SDK1: variants seen among roughly 807,000 people sequenced by gnomAD.
SDK1 encodes the protein sidekick cell adhesion molecule 1.
Under a neutral mutation model 245.5 loss-of-function variants are expected in SDK1, and 157 were observed. The observed-to-expected ratio is 0.64, with a 90% CI of 0.56 to 0.73. The LOEUF is 0.73. Ranked by LOEUF, SDK1 falls within the 30% of genes least tolerant of loss-of-function variation. The probability of loss-of-function intolerance (pLI) is 0.00; values close to 1 mark genes in which losing one functional copy is unlikely to be tolerated. For synonymous variants in SDK1, 1,647 were observed against 1,278.5 expected (o/e 1.29, Z -6.15); for missense variants, 3,583 against 3,002.3 (o/e 1.19, Z -4.52).
At chr7:3,546,654 AG>A (rs1459332198) in intron 1 of SDK1, among the ~76,000 whole-genome samples, 2 of 142,380 alleles carry the variant, frequency 1.4e-5, no homozygotes, top group South Asian at 2.3e-4. Context: ...TGGGCTGCCC[AG>A]GGGGGACGTC....
chr7:3,757,777 C>A (rs916466795), intron 4 of SDK1, among the ~76,000 whole-genome samples: 1 of 152,112 alleles, frequency 6.6e-6, no homozygotes, highest in Non-Finnish European at 1.5e-5. Context: ...CTGATTAAAT[C>A]GTTGGTCCTA....
At chr7:4,228,731 G>A (rs924811756) in intron 40 of SDK1, among the ~76,000 whole-genome samples, 1 of 152,112 alleles carries the variant, frequency 6.6e-6, no homozygotes, top group African/African-American at 2.4e-5. Flanking sequence ...GTAGAGACGG[G>A]GTTTCACCAT....
chr7:3,577,593 G>A (rs1025753973), intron 1 of SDK1, among the ~76,000 whole-genome samples: 1 of 152,000 alleles, frequency 6.6e-6, no homozygotes, highest in Non-Finnish European at 1.5e-5. Context: ...TAATCCTCAT[G>A]GAACTCACTT....
chr7:3,613,085 G>C (rs1052796951), intron 1 of SDK1, among the ~76,000 whole-genome samples: 2 of 152,222 alleles, frequency 1.3e-5, no homozygotes, highest in Non-Finnish European at 2.9e-5. Context: ...AGTTCAACTT[G>C]CTTGATACCT....
chr7:3,315,503 C>G (rs186116602), intron 1 of SDK1, among the ~76,000 whole-genome samples: 56 of 152,046 alleles, frequency 3.7e-4, no homozygotes, highest in Admixed American at 2.4e-3. Context: ...GACATAGGGT[C>G]ACGCATGCAC....
rs564957147 is a variant in SDK1 at position 4,025,735 on chromosome 7, T to TG, written c.2602+8384dup. ...TTGAAAACACAGGGCTTATTGTTCCTGTTTCAACACCCAGTGCTGCACCAC... is the reference window on the plus strand; with the variant it reads ...TTGAAAACACAGGGCTTATTGTTCCTGGTTTCAACACCCAGTGCTGCACCAC... On this transcript the variant is annotated intron_variant, in intron 17 of 44. Transcript: ENST00000404826. 3.8e-3 allele frequency among the ~76,000 whole-genome samples: 577 copies of TG among 152,354 alleles called. 6 individuals carry two copies. In the South Asian group the frequency reaches 0.042, roughly 11 times the overall value.
chr7:3,962,270 T>C (rs1484846332), intron 8 of SDK1, among the ~76,000 whole-genome samples: 1 of 152,232 alleles, frequency 6.6e-6, no homozygotes, highest in Non-Finnish European at 1.5e-5. Flanking sequence ...TCTGCCCCTA[T>C]GACCCTGTGC....
intron 4 of SDK1, among the ~76,000 whole-genome samples, chr7:3,690,924 T>C (rs918574969): frequency 1.3e-5 from 2 of 152,206 alleles, no homozygotes; most frequent in Admixed American, 6.5e-5. Context: ...TGGATGTCTA[T>C]AGGCATTCAC....
rs117146122 is a variant in SDK1, at chr7:4,091,803, C to T, written c.3324+12219C>T. 3.3e-4 allele frequency among the ~76,000 whole-genome samples: 50 copies of T among 152,282 alleles called. 1 individual carries two copies. The East Asian group carries it at 8.5e-3, about 26-fold the overall frequency. ...AACCCTCTACATCACCAGCCAACACCTTTACAGCTCCGTCCAGGGAAAGAA... is the reference window on the plus strand; with the variant it reads ...AACCCTCTACATCACCAGCCAACACTTTTACAGCTCCGTCCAGGGAAAGAA... On this transcript the variant is annotated intron_variant, in intron 22 of 44. Transcript: ENST00000404826.
intron 1 of SDK1, among the ~76,000 whole-genome samples, chr7:3,337,533 T>C (rs757608402): frequency 2.1e-4 from 32 of 151,800 alleles, no homozygotes; most frequent in Non-Finnish European, 4.0e-4. Context: ...AAGCTGTAGA[T>C]CTAAGAAGCT....
chr7:3,377,775 A>G lies in SDK1; in HGVS notation c.298+75891A>G, dbSNP rs766928935. Among the ~76,000 whole-genome samples, 4 of 151,964 alleles carry G rather than the reference A, an allele frequency of 2.6e-5. No homozygotes were observed. In the East Asian group the frequency reaches 7.7e-4, roughly 29 times the overall value. On this transcript the variant is annotated intron_variant, in intron 1 of 44. Transcript: ENST00000404826. ...AAACTATATTTTTATTTTATCATTT[A>G]TTTATTATATATTTATTTTTGGAGA... is the stretch of plus-strand genomic sequence containing the variant.
chr7:3,605,924 AAATTTATGAT>A (rs1372696836), intron 1 of SDK1, among the ~76,000 whole-genome samples: 8 of 152,186 alleles, frequency 5.3e-5, no homozygotes, highest in South Asian at 2.1e-4. Context: ...TTTTAAGATA[AAATTTATGAT>A]TTGGAATGAT....
At position 3,971,470 on chromosome 7, in the gene SDK1, G is replaced by T; in HGVS notation, c.1719G>T (p.Arg573=). The T allele has an allele frequency of 6.2e-7, 1 of 1,610,660 alleles. No homozygotes were observed. Residue 573 remains arginine (R), a synonymous_variant, in exon 12 of 45, where the codon CGG becomes CGT. Coordinates refer to ENST00000404826, the MANE Select transcript of SDK1 (RefSeq NM_152744.4). ...NASATLTVWN[R]TSIVHPPEDH... Reference sequence around the variant, plus strand: ...CGTGACTTGTGTTTTTTTCAGATCGGACGTCCATCGTCCACCCTCCTGAGG... The same window carrying T: ...CGTGACTTGTGTTTTTTTCAGATCGTACGTCCATCGTCCACCCTCCTGAGG...
chr7:4,119,968 A>G (rs1405560966), intron 25 of SDK1, among the ~76,000 whole-genome samples: 1 of 149,124 alleles, frequency 6.7e-6, no homozygotes, highest in Non-Finnish European at 1.5e-5. Flanking sequence ...TTAAGGTACC[A>G]TTTCTTAAAG....
chr7:4,010,482 C>T (rs981845533), intron 14 of SDK1, among the ~76,000 whole-genome samples: 1 of 152,196 alleles, frequency 6.6e-6, no homozygotes, highest in Non-Finnish European at 1.5e-5. Context: ...GGGCCTGCCA[C>T]GCAGATGGGC....
intron 14 of SDK1, among the ~76,000 whole-genome samples, chr7:3,992,600 C>A (rs73040430): frequency 0.034 from 5,172 of 152,202 alleles, 124 homozygotes; most frequent in Non-Finnish European, 0.05. Context: ...AAGCATTTGG[C>A]CCACTCTCTA....
At chr7:3,611,066 A>G (rs1781574132) in intron 1 of SDK1, among the ~76,000 whole-genome samples, 1 of 152,226 alleles carries the variant, frequency 6.6e-6, no homozygotes, top group Admixed American at 6.5e-5. Flanking sequence ...TTTCATCCTG[A>G]AATGTCTGAC....
chr7:4,035,512 G>A (rs1788143909), intron 17 of SDK1, among the ~76,000 whole-genome samples: 1 of 152,186 alleles, frequency 6.6e-6, no homozygotes, highest in Admixed American at 6.5e-5. Context: ...GTTGGTGGGA[G>A]TGGCATGGCA....
chr7:3,726,296 G>C (rs768843130), intron 4 of SDK1, among the ~76,000 whole-genome samples: 3 of 152,214 alleles, frequency 2.0e-5, no homozygotes, highest in Non-Finnish European at 4.4e-5. Context: ...ACTCAAATCT[G>C]TTAATTCTGA....
Sources: allele counts gnomAD v4.1 joint callset (sites outside exome capture counted in the v4.1 genomes callset), GRCh38; gene constraint gnomAD v4.1.1; transcripts MANE v1.5; gene names NCBI Gene and HGNC (gene_info 2026-07-23, HGNC 2026-07-21).